The following AGBL1 variants were observed in gnomAD, a reference collection of about 807,000 sequenced individuals.
AGBL1 encodes the protein AGBL carboxypeptidase 1.
AGBL1 carries 130 observed loss-of-function variants against 118.9 expected under a neutral mutation model. The observed-to-expected ratio is 1.09, with a 90% confidence interval of 0.95 to 1.26. AGBL1 has a LOEUF of 1.26. Ranked by LOEUF, AGBL1 falls within the 50% of genes most tolerant of loss-of-function variation. The pLI is 0.00. For synonymous variants in AGBL1, 555 were observed against 478.9 expected (o/e 1.16, Z -2.08); for missense variants, 1,584 against 1,298.1 (o/e 1.22, Z -3.38).
At chr15:86,090,488 C>A (rs1895949301) in intron 1 of AGBL1, among the ~76,000 whole-genome samples, 1 of 152,124 alleles carries the variant, frequency 6.6e-6, no homozygotes, top group Non-Finnish European at 1.5e-5. Context: ...ATCATTTTTA[C>A]ACACTGCTAT....
intron 18 of AGBL1, among the ~76,000 whole-genome samples, chr15:86,492,976 C>A (rs1019883622): frequency 2.0e-5 from 3 of 152,114 alleles, no homozygotes; most frequent in African/African-American, 4.8e-5. Context: ...ATCACGAGGT[C>A]AAGAGATCCA....
intron 22 of AGBL1, among the ~76,000 whole-genome samples, chr15:86,797,942 G>T (rs2078596394): frequency 6.6e-6 from 1 of 152,142 alleles, no homozygotes; most frequent in African/African-American, 2.4e-5. Flanking sequence ...TTTAGTTTAA[G>T]CAGAAAGAAA....
intron 22 of AGBL1, among the ~76,000 whole-genome samples, chr15:86,899,919 A>T (rs55968844): frequency 0.066 from 9,999 of 152,230 alleles, 385 homozygotes; most frequent in African/African-American, 0.1. Flanking sequence ...CCCACCCTCA[A>T]TCTGGGTGGG....
At chr15:86,935,745 G>C (rs2080664611) in intron 23 of AGBL1, among the ~76,000 whole-genome samples, 1 of 152,156 alleles carries the variant, frequency 6.6e-6, no homozygotes, top group Non-Finnish European at 1.5e-5. Flanking sequence ...TCATGCTGTG[G>C]GATTTGCAAA....
In AGBL1 at chr15:86,405,293, C is replaced by T. The variant is rs569352405; in HGVS notation, c.2555+7747C>T. 5.9e-5 allele frequency among the ~76,000 whole-genome samples: 9 copies of T among 151,864 alleles called. No individual in the cohort carries two copies. In the South Asian group the frequency reaches 1.2e-3, roughly 21 times the overall value. On this transcript the variant is annotated intron_variant, in intron 18 of 22. Coordinates refer to ENST00000614907, the MANE Select transcript of AGBL1 (RefSeq NM_001386094.1). ...TTGGGAGGCCGAGGCAGGCAGATCA[C>T]GAGGTCAGGAGATTGAGACCATCCT...
chr15:86,540,813 C>G (rs1249444913), intron 19 of AGBL1, among the ~76,000 whole-genome samples: 3 of 152,118 alleles, frequency 2.0e-5, no homozygotes, highest in African/African-American at 7.2e-5. Context: ...TCAGGGATAT[C>G]GTTTGAGAAA....
chr15:86,575,936 C>T (rs1243775690), intron 21 of AGBL1, among the ~76,000 whole-genome samples: 1 of 152,114 alleles, frequency 6.6e-6, no homozygotes. Flanking sequence ...AAATTTAATT[C>T]CAGAACTACA....
rs1463564216 is a variant in AGBL1, at chr15:86,142,080, T to C, written c.115+13T>C. 2.6e-6 allele frequency: 4 copies of C among 1,549,644 alleles called. No individual in the cohort carries two copies. Among genetic ancestry groups the C allele is most frequent in the Non-Finnish European group, 3.5e-6 (4 of 1,146,574 alleles). On this transcript the variant is annotated intron_variant, in intron 2 of 22. Transcript: ENST00000614907. ...CTGCTTTCTGTTGGTGAGTAGGCCA[T>C]GCTCTCATGCTTTCATATGGCGGAT... is the stretch of plus-strand genomic sequence containing the variant.
chr15:87,026,508 A>G (rs1240429199), intron 24 of AGBL1, among the ~76,000 whole-genome samples: 1 of 152,054 alleles, frequency 6.6e-6, no homozygotes, highest in Non-Finnish European at 1.5e-5. Context: ...AGACGTTGGC[A>G]TGGATGTGGT....
intron 21 of AGBL1, among the ~76,000 whole-genome samples, chr15:86,670,290 G>T (rs1407665803): frequency 6.6e-6 from 1 of 151,912 alleles, no homozygotes; most frequent in Non-Finnish European, 1.5e-5. Context: ...CAGCATGAGG[G>T]TCAGCACTGA....
chr15:86,800,056 T>C (rs1320603806), intron 22 of AGBL1, among the ~76,000 whole-genome samples: 1 of 152,154 alleles, frequency 6.6e-6, no homozygotes, highest in Non-Finnish European at 1.5e-5. Flanking sequence ...TTCTCATTTT[T>C]CATCTTACAG....
intron 17 of AGBL1, among the ~76,000 whole-genome samples, chr15:86,327,362 C>T (rs1039180090): frequency 5.9e-5 from 9 of 152,168 alleles, no homozygotes; most frequent in African/African-American, 2.2e-4. Flanking sequence ...TGATTTTGTT[C>T]TTGACACATG....
At chr15:86,966,642 C>T (rs1163569452) in intron 23 of AGBL1, among the ~76,000 whole-genome samples, 2 of 152,056 alleles carry the variant, frequency 1.3e-5, no homozygotes, top group South Asian at 2.1e-4. Flanking sequence ...ATGTCCCTAC[C>T]AAGGTCATGA....
chr15:86,281,237 A>C (rs1042146521), intron 16 of AGBL1, among the ~76,000 whole-genome samples: 1 of 152,116 alleles, frequency 6.6e-6, no homozygotes, highest in Admixed American at 6.6e-5. Flanking sequence ...TACAAAAATT[A>C]GCCAGGCCTG....
Position 86,709,487 on chromosome 15 carries a change from CTGAA to C in AGBL1, c.3158+35054_3158+35057del, listed in dbSNP as rs1446030910. Reference sequence around the variant, plus strand: ...TTACTATGACCTAGGCTTTGCAAAACTGAATGGCATTGGCTCGAAATATATTTTC... The same window carrying C: ...TTACTATGACCTAGGCTTTGCAAAACTGGCATTGGCTCGAAATATATTTTC... On this transcript the variant is annotated intron_variant, in intron 22 of 22. Transcript: ENST00000614907. Among the ~76,000 whole-genome samples the C allele has an allele frequency of 2.0e-5, 3 of 152,148 alleles. No homozygotes were observed. The South Asian group carries it at 6.2e-4, about 31-fold the overall frequency.
chr15:86,565,044 C>T (rs916689098), intron 21 of AGBL1, among the ~76,000 whole-genome samples: 7 of 152,178 alleles, frequency 4.6e-5, no homozygotes, highest in African/African-American at 1.2e-4. Context: ...AATCTGTTTT[C>T]GAGGTTTTTA....
intron 19 of AGBL1, among the ~76,000 whole-genome samples, chr15:86,529,695 G>C (rs2083321587): frequency 6.6e-6 from 1 of 151,032 alleles, no homozygotes; most frequent in Non-Finnish European, 1.5e-5. Context: ...AAAATGTTAA[G>C]AGCAGCCAGA....
downstream of AGBL1, among the ~76,000 whole-genome samples, chr15:86,918,605 C>T (rs1323177271): frequency 6.6e-6 from 1 of 152,004 alleles, no homozygotes; most frequent in Non-Finnish European, 1.5e-5. Context: ...TTAGTCAAGG[C>T]CTGTTTTCTC....
intron 17 of AGBL1, among the ~76,000 whole-genome samples, chr15:86,353,829 C>T (rs770631576): frequency 3.9e-5 from 6 of 151,992 alleles, no homozygotes; most frequent in East Asian, 3.9e-4. Context: ...AAAAAACACC[C>T]GAGAGATGAG....
Sources: gnomAD v4.1 joint callset for allele counts (sites outside exome capture counted in the v4.1 genomes callset) on GRCh38, gnomAD v4.1.1 for gene constraint, MANE v1.5 for transcripts, NCBI Gene and HGNC (gene_info 2026-07-23, HGNC 2026-07-21) for gene names.